The following TMEM120B variants were observed in gnomAD, a reference collection of about 807,000 sequenced individuals.
TMEM120B encodes the protein transmembrane protein 120B.
A neutral mutation model predicts 55.5 loss-of-function variants in TMEM120B; 31 were observed. The observed-to-expected ratio is 0.56, with a 90% CI of 0.42 to 0.75. The LOEUF (loss-of-function observed/expected upper bound fraction) is 0.75. Among genes scored for constraint, TMEM120B ranks in the 30% least tolerant of loss-of-function variants. The pLI is 0.00. For missense variants in TMEM120B, 399 were observed against 425.5 expected (o/e 0.94, Z 0.55); for synonymous variants, 203 against 176.3 (o/e 1.15, Z -1.20).
chr12:121,769,673 A>G (rs187652200), intron 6 of TMEM120B, among the ~76,000 whole-genome samples: 573 of 152,174 alleles, frequency 3.8e-3, no homozygotes, highest in Non-Finnish European at 6.7e-3. Context: ...ACTGCACTCC[A>G]GACAGGGTGA....
intron 1 of TMEM120B, among the ~76,000 whole-genome samples, chr12:121,737,587 T>C (rs1289194121): frequency 6.6e-6 from 1 of 152,086 alleles, no homozygotes; most frequent in African/African-American, 2.4e-5. Context: ...GGAGGGGCAA[T>C]GGCCTCTGCC....
chr12:121,756,535 A>C (rs889458729), intron 5 of TMEM120B, among the ~76,000 whole-genome samples: 2 of 152,198 alleles, frequency 1.3e-5, no homozygotes, highest in African/African-American at 4.8e-5. Flanking sequence ...TGTACCTCCC[A>C]GTGTCACACA....
At chr12:121,767,727 G>A (rs1360204388) in intron 6 of TMEM120B, among the ~76,000 whole-genome samples, 2 of 152,186 alleles carry the variant, frequency 1.3e-5, no homozygotes, top group Non-Finnish European at 2.9e-5. Context: ...GGACGCCTGG[G>A]CTTGTGAATG....
At chr12:121,758,587 T>TC (rs2137263977) in intron 5 of TMEM120B, 1 of 976,320 alleles carries the variant, frequency 1.0e-6, no homozygotes, top group South Asian at 4.8e-5. Flanking sequence ...CGTGCTGTGG[T>TC]CACCATGGAG....
At chr12:121,760,380 TGGGGTC>T (rs1873634413) in intron 5 of TMEM120B, among the ~76,000 whole-genome samples, 2 of 128,084 alleles carry the variant, frequency 1.6e-5, no homozygotes, top group African/African-American at 7.5e-5. Context: ...CCCTTTGACC[TGGGGTC>T]TTATATGCTG....
Position 121,770,910 on chromosome 12 carries a change from T to C in TMEM120B, c.555T>C (p.Ile185=), listed in dbSNP as rs751528567. The C allele has an allele frequency of 1.9e-6, 3 of 1,614,050 alleles. No individual in the cohort carries two copies. Among genetic ancestry groups the C allele is most frequent in the Non-Finnish European group, 2.5e-6 (3 of 1,179,992 alleles). The change falls in exon 7 of 12, where the codon ATT becomes ATC. Residue 185 remains isoleucine, a synonymous_variant. Coordinates refer to ENST00000449592, the MANE Select transcript of TMEM120B (RefSeq NM_001080825.2). The part of the protein sequence containing the change: ...ESILISNGSR[I]KGWWVSHHYV... ...TCCGTTCTCTCCCTCTCCCGAGAAT[T>C]AAAGGCTGGTGGGTGTCTCACCACT...
chr12:121,759,136 T>TTC (rs939951352), intron 5 of TMEM120B: 3 of 837,540 alleles, frequency 3.6e-6, no homozygotes, highest in Non-Finnish European at 4.3e-6. Context: ...TTTTTTTTTT[T>TTC]CTGAGGTGGA....
rs1304202827 is a variant in TMEM120B, at chr12:121,770,988, C to A, written c.617+16C>A. The stretch of plus-strand genomic sequence containing the variant: ...TGCTGACCTGGTGAGTAGCCCCTCG[C>A]TGGGCCCCTCCAGCCTCCCAGGGAG... On this transcript the variant is annotated intron_variant, in intron 7 of 11. Transcript: ENST00000449592. The A allele has an allele frequency of 6.2e-7, 1 of 1,612,828 alleles. No homozygotes were observed. Among genetic ancestry groups the A allele is most frequent in the African/African-American group, 1.3e-5 (1 of 74,906 alleles).
intron 1 of TMEM120B, among the ~76,000 whole-genome samples, chr12:121,733,918 G>T (rs111555477): frequency 1.3e-5 from 2 of 152,250 alleles, no homozygotes; most frequent in African/African-American, 4.8e-5. Context: ...TGTATATTCT[G>T]ATACTGTTAA....
intron 1 of TMEM120B, among the ~76,000 whole-genome samples, chr12:121,718,289 G>C (rs1894736593): frequency 6.6e-6 from 1 of 152,094 alleles, no homozygotes; most frequent in Non-Finnish European, 1.5e-5. Flanking sequence ...TTCAAGACCA[G>C]CCTGGGCAAC....
intron 8 of TMEM120B, 31 bp downstream of exon 8, chr12:121,771,580 G>A (rs1380639356): frequency 6.2e-7 from 1 of 1,605,192 alleles, no homozygotes; most frequent in Admixed American, 1.7e-5. Context: ...TTTGGGGGAA[G>A]GGACATGGTT....
chr12:121,774,591 C>T (rs1049251167), intron 9 of TMEM120B, 67 bp from the exon 10 acceptor site: 6 of 1,497,264 alleles, frequency 4.0e-6, no homozygotes, highest in African/African-American at 1.4e-5. Context: ...TGGGGGTGGG[C>T]GTCTGGTGGA....
intron 1 of TMEM120B, among the ~76,000 whole-genome samples, chr12:121,734,510 G>A (rs1485223271): frequency 6.6e-6 from 1 of 151,976 alleles, no homozygotes; most frequent in Non-Finnish European, 1.5e-5. Flanking sequence ...CACCCACCTT[G>A]GCATCCGAAA....
intron 1 of TMEM120B, among the ~76,000 whole-genome samples, chr12:121,730,784 G>A (rs1894986446): frequency 6.6e-6 from 1 of 151,034 alleles, no homozygotes; most frequent in Non-Finnish European, 1.5e-5. Context: ...ATGGAGAAAT[G>A]CCATCTCTAC....
In TMEM120B at chr12:121,773,281, G is replaced by A. The variant is rs949087169; in HGVS notation, c.680-140G>A. 5.1e-5 allele frequency: 33 copies of A among 652,008 alleles called. No individual in the cohort carries two copies. In the East Asian group the frequency reaches 8.3e-4, roughly 16 times the overall value. The allele number at this position is 652,008 out of a possible 1,614,324, so 40.4% of individuals were successfully genotyped here. A position where few individuals can be genotyped will look rare whatever the true frequency, so the allele number is the denominator to read the frequency against. On this transcript the variant is annotated intron_variant, in intron 8 of 11. Coordinates refer to ENST00000449592, the MANE Select transcript of TMEM120B (RefSeq NM_001080825.2). ...GTGTGTCTGTTTGTGGTGTGTGGGC[G>A]TGGGAGAGGGTTGTAACCAGGGCAC... is the stretch of plus-strand genomic sequence containing the variant.
intron 1 of TMEM120B, among the ~76,000 whole-genome samples, chr12:121,716,403 G>C (rs536206398): frequency 6.6e-6 from 1 of 151,818 alleles, no homozygotes; most frequent in East Asian, 1.9e-4. Context: ...CAATAGGAAG[G>C]ATTTTTTTTC....
At chr12:121,746,862 G>A (rs1873101112) in intron 2 of TMEM120B, among the ~76,000 whole-genome samples, 2 of 152,010 alleles carry the variant, frequency 1.3e-5, no homozygotes, top group Admixed American at 1.3e-4. Context: ...GGAGGCTGAG[G>A]CAGGAGAATG....
At chr12:121,717,542 G>A (rs1003960901) in intron 1 of TMEM120B, among the ~76,000 whole-genome samples, 4 of 152,172 alleles carry the variant, frequency 2.6e-5, no homozygotes, top group Admixed American at 1.3e-4. Flanking sequence ...GCCAGGATTC[G>A]AACCCAGGCT....
rs1176659000 is a variant in TMEM120B at position 121,731,515 on chromosome 12, G to C, written c.70-12114G>C. Among the ~76,000 whole-genome samples, 3 of 152,186 alleles carry C rather than the reference G, an allele frequency of 2.0e-5. No individual in the cohort carries two copies. The East Asian group carries it at 5.8e-4, about 29-fold the overall frequency. On this transcript the variant is annotated intron_variant, in intron 1 of 11. Transcript: ENST00000449592. ...AGTGATCTGCCCTAGGCCCTGTTTA[G>C]ATACATTTAGATACATGAATACTTA...
Sources: allele counts gnomAD v4.1 joint callset (sites outside exome capture counted in the v4.1 genomes callset), GRCh38; gene constraint gnomAD v4.1.1; transcripts MANE v1.5; gene names NCBI Gene and HGNC (gene_info 2026-07-23, HGNC 2026-07-21).